ELAVL2: variants seen among roughly 807,000 people sequenced by gnomAD.
ELAVL2 encodes ELAV-like protein 2.
ELAVL2 carries 4 observed loss-of-function variants against 34.6 expected under a neutral mutation model. The observed-to-expected ratio is 0.12, with a 90% CI of 0.06 to 0.26. The LOEUF (loss-of-function observed/expected upper bound fraction) is 0.26. ELAVL2 is among the 10% of genes least tolerant of loss of function. ELAVL2 has a pLI of 1.00. For synonymous variants in ELAVL2, 193 were observed against 154.8 expected, an observed-to-expected ratio of 1.25 and a Z score of -1.83; for missense variants, 432 against 442.8, an observed-to-expected ratio of 0.98 and a Z score of 0.22.
chr9:23,809,643 A>C (rs1438862953), intron 1 of ELAVL2, among the ~76,000 whole-genome samples: 2 of 152,180 alleles, frequency 1.3e-5, no homozygotes, highest in East Asian at 1.9e-4. Context: ...TTAAATTATT[A>C]TCTCTATTCC....
At chr9:23,779,480 G>A (rs1478222397) in intron 1 of ELAVL2, 7 of 881,066 alleles carry the variant, frequency 7.9e-6, no homozygotes, top group Non-Finnish European at 8.2e-6. Context: ...GCTTCCTTCT[G>A]GCTTCCTTAG....
intron 5 of ELAVL2, among the ~76,000 whole-genome samples, chr9:23,697,103 T>C (rs947796933): frequency 2.0e-5 from 3 of 151,878 alleles, no homozygotes; most frequent in Non-Finnish European, 4.4e-5. Context: ...CTGAACAAAA[T>C]CCATTTTACA....
chr9:23,737,210 G>C (rs1351346870), intron 2 of ELAVL2, among the ~76,000 whole-genome samples: 1 of 152,188 alleles, frequency 6.6e-6, no homozygotes, highest in Admixed American at 6.5e-5. Flanking sequence ...GTGAATGACT[G>C]AATGAAAAAC....
chr9:23,704,666 T>C (rs976153341), intron 4 of ELAVL2, among the ~76,000 whole-genome samples: 1 of 152,196 alleles, frequency 6.6e-6, no homozygotes, highest in African/African-American at 2.4e-5. Flanking sequence ...TCTATAAATT[T>C]ATTACAAGCC....
intron 1 of ELAVL2, among the ~76,000 whole-genome samples, chr9:23,824,551 C>A (rs1450094177): frequency 1.3e-5 from 2 of 152,128 alleles, no homozygotes; most frequent in Non-Finnish European, 2.9e-5. Context: ...CATGAGCGCT[C>A]TCACGCACAC....
At chr9:23,712,269 T>C (rs2041174497) in intron 3 of ELAVL2, among the ~76,000 whole-genome samples, 1 of 152,110 alleles carries the variant, frequency 6.6e-6, no homozygotes, top group South Asian at 2.1e-4. Flanking sequence ...GATTTTCCAT[T>C]ACATCATTAG....
intron 1 of ELAVL2, among the ~76,000 whole-genome samples, chr9:23,792,829 G>A (rs769583533): frequency 3.0e-4 from 45 of 151,816 alleles, no homozygotes; most frequent in Non-Finnish European, 4.9e-4. Flanking sequence ...GGAGTACAGC[G>A]GTGTGGTCAC....
At chr9:23,692,978 A>C in intron 6 of ELAVL2, 94 bp from the exon 7 acceptor site, 2 of 1,138,400 alleles carry the variant, frequency 1.8e-6, no homozygotes, top group Non-Finnish European at 2.5e-6. Context: ...CATCCCCAAG[A>C]ATTTTAGTAA....
chr9:23,699,779 C>T (rs1256844990), intron 5 of ELAVL2, among the ~76,000 whole-genome samples: 1 of 144,216 alleles, frequency 6.9e-6, no homozygotes, highest in Non-Finnish European at 1.5e-5. Flanking sequence ...CTAGTCTGAT[C>T]ACCACTACCA....
the ELAVL2 span, among the ~76,000 whole-genome samples, chr9:23,846,100 C>CA: frequency 2.6e-5 from 4 of 151,718 alleles, no homozygotes; most frequent in Admixed American, 2.0e-4. Flanking sequence ...ATTTTATAAA[C>CA]AAAAAAGATC....
chr9:23,812,581 T>C (rs1262054683), intron 1 of ELAVL2, among the ~76,000 whole-genome samples: 1 of 152,110 alleles, frequency 6.6e-6, no homozygotes, highest in East Asian at 1.9e-4. Flanking sequence ...CACGTTCACC[T>C]AAAAGAATCA....
intron 1 of ELAVL2, among the ~76,000 whole-genome samples, chr9:23,787,740 T>C (rs1042517105): frequency 1.3e-5 from 2 of 152,096 alleles, no homozygotes; most frequent in Non-Finnish European, 2.9e-5. Context: ...AGGGCCCAGA[T>C]ACTGGCATTT....
rs1307301942 is a variant in ELAVL2, at chr9:23,692,562, C to A, written c.1075G>T (p.Ala359Ser). 1 of 1,611,726 alleles carries A rather than the reference C, an allele frequency of 6.2e-7. No individual in the cohort carries two copies. The highest frequency in any genetic ancestry group is 1.7e-5 in the Admixed American group (1 of 59,910). The change falls in exon 7 of 7, where the codon GCC (alanine) becomes TCC (serine). Residue 359 changes from alanine (A) to serine (S), a missense_variant. By Grantham distance (99) the Ala-to-Ser change is moderately conservative. Around this residue, in one of 3 missense-constraint regions of ELAVL2, gnomAD observed 295 missense variants for 306.1 expected, o/e 0.96. Transcript: ENST00000397312. ...VSFKTNKTHK[A>S] ...GGACTGAGGACAAGAGCTCATTAGG[C>A]TTTGTGCGTTTTGTTTGTCTTAAAG...
At chr9:23,781,009 T>C (rs1019630259) in intron 1 of ELAVL2, among the ~76,000 whole-genome samples, 5 of 152,294 alleles carry the variant, frequency 3.3e-5, no homozygotes, top group African/African-American at 1.2e-4. Flanking sequence ...CCAAAGACAA[T>C]CACTGCTGGT....
In ELAVL2 at chr9:23,716,738, A is replaced by C. The variant is rs959774225; in HGVS notation, c.334-11667T>G. ...TTAAGAAATTTTTATCCACTTTATT[A>C]ATTTATTTTATGGCCAAATAAAACT... is the stretch of plus-strand genomic sequence containing the variant. On this transcript the variant is annotated intron_variant, in intron 3 of 6. Transcript: ENST00000397312. Among the ~76,000 whole-genome samples, 8 of 152,326 alleles carry C rather than the reference A, an allele frequency of 5.3e-5. No homozygotes were observed. The East Asian group carries it at 1.3e-3, about 26-fold the overall frequency.
the ELAVL2 span, among the ~76,000 whole-genome samples, chr9:23,833,715 A>C: frequency 6.6e-6 from 1 of 151,918 alleles, no homozygotes; most frequent in African/African-American, 2.4e-5. Flanking sequence ...AAATAACCAA[A>C]AATGTGAAGT....
upstream of ELAVL2, among the ~76,000 whole-genome samples, chr9:23,827,384 C>T (rs1440421355): frequency 5.9e-5 from 9 of 152,130 alleles, no homozygotes; most frequent in Admixed American, 3.9e-4. Context: ...TTGTTTCTTC[C>T]TCTAAGTGAA....
chr9:23,721,255 C>A (rs975324226), intron 3 of ELAVL2, among the ~76,000 whole-genome samples: 8 of 152,190 alleles, frequency 5.3e-5, no homozygotes, highest in East Asian at 1.9e-4. Context: ...TGTGGCTCAA[C>A]TGGGTTAGCC....
chr9:23,787,364 T>C (rs2059819772), intron 1 of ELAVL2, among the ~76,000 whole-genome samples: 1 of 151,448 alleles, frequency 6.6e-6, no homozygotes, highest in Admixed American at 6.6e-5. Context: ...CCAGAGTAGC[T>C]AGGATTACAG....
Sources: allele counts gnomAD v4.1 joint callset (sites outside exome capture counted in the v4.1 genomes callset), GRCh38; gene constraint gnomAD v4.1.1; regional missense constraint gnomAD v4.1.1; transcripts MANE v1.5; gene names NCBI Gene and HGNC (gene_info 2026-07-23, HGNC 2026-07-21).